KCNMA1: variants seen among roughly 807,000 people sequenced by gnomAD.
The protein encoded by KCNMA1 is potassium calcium-activated channel subfamily M alpha 1, also known as Calcium-activated potassium channel subunit alpha-1.
Under a neutral mutation model 140.0 loss-of-function variants are expected in KCNMA1, and 29 were observed. The ratio of observed to expected loss-of-function variants is 0.21; its 90% CI spans 0.15 to 0.28. The LOEUF (loss-of-function observed/expected upper bound fraction) is 0.28, where lower values mean the gene tolerates loss of function less well. Among genes scored for constraint, KCNMA1 ranks in the 10% least tolerant of loss-of-function variants. The pLI, the probability that KCNMA1 is intolerant of heterozygous loss-of-function variation, is 1.00. For synonymous variants in KCNMA1, 612 were observed against 611.9 expected, an observed-to-expected ratio of 1.00 and a Z score of 0.00; for missense variants, 880 against 1,602.2, an observed-to-expected ratio of 0.55 and a Z score of 7.70.
At chr10:77,327,570 G>T (rs1289018684) in intron 2 of KCNMA1, among the ~76,000 whole-genome samples, 1 of 152,052 alleles carries the variant, frequency 6.6e-6, no homozygotes, top group Non-Finnish European at 1.5e-5. Flanking sequence ...AGCCAGGCTG[G>T]TCTCGAACTC....
intron 25 of KCNMA1, among the ~76,000 whole-genome samples, chr10:76,895,762 A>G (rs2042222179): frequency 6.6e-6 from 1 of 152,104 alleles, no homozygotes; most frequent in Non-Finnish European, 1.5e-5. Flanking sequence ...GGGAAAGAGT[A>G]CAAAAGGGAG....
chr10:77,636,778 T>C, intron 1 of KCNMA1: 1 of 1,457,220 alleles, frequency 6.9e-7, no homozygotes, highest in Non-Finnish European at 9.0e-7. Flanking sequence ...TTTTCCCTTC[T>C]TTCTGACCCC....
At chr10:76,977,168 G>A (rs1174813083) in intron 19 of KCNMA1, among the ~76,000 whole-genome samples, 2 of 152,102 alleles carry the variant, frequency 1.3e-5, no homozygotes, top group South Asian at 2.1e-4. Context: ...CTTGCAGTCC[G>A]CGTTTGTGAG....
intron 3 of KCNMA1, among the ~76,000 whole-genome samples, chr10:77,186,776 AAT>A (rs1491310796): frequency 2.0e-3 from 181 of 90,062 alleles, no homozygotes; most frequent in African/African-American, 8.0e-3. Context: ...CTAAAGAGTA[AAT>A]GTGTGTGTGT....
rs997347505 is a variant in KCNMA1, at chr10:76,890,729, T to C, written c.3342+796A>G. On this transcript the variant is annotated intron_variant, in intron 26 of 27. Transcript: ENST00000286628. ...GCATCTCTTAAATGCATCTGTGGGG[T>C]TGGGCTGGGAATAAGGGCAAAGACA... Among the ~76,000 whole-genome samples, 10 of 151,998 alleles carry C rather than the reference T, an allele frequency of 6.6e-5. 1 individual carries two copies. The highest frequency in any genetic ancestry group is 2.0e-4 in the Admixed American group (3 of 15,246).
intron 1 of KCNMA1, among the ~76,000 whole-genome samples, chr10:77,458,579 A>AT (rs2097797128): frequency 6.6e-6 from 1 of 152,246 alleles, no homozygotes; most frequent in Admixed American, 6.5e-5. Flanking sequence ...ACATTCAACC[A>AT]TTTTTTAACC....
At chr10:77,439,900 C>T (rs1445237321) in intron 1 of KCNMA1, among the ~76,000 whole-genome samples, 5 of 152,216 alleles carry the variant, frequency 3.3e-5, no homozygotes, top group Non-Finnish European at 5.9e-5. Context: ...TGGTGGCAAT[C>T]TTCAAGTCCA....
chr10:77,492,422 T>A (rs2040277669), intron 1 of KCNMA1, among the ~76,000 whole-genome samples: 5 of 152,224 alleles, frequency 3.3e-5, no homozygotes, highest in Admixed American at 3.3e-4. Flanking sequence ...ACCTGTGTAC[T>A]TGTATTTCTT....
At chr10:77,564,100 A>C (rs2067317392) in intron 1 of KCNMA1, among the ~76,000 whole-genome samples, 1 of 152,246 alleles carries the variant, frequency 6.6e-6, no homozygotes, top group African/African-American at 2.4e-5. Flanking sequence ...AGATATTGGC[A>C]ATAAAAGAAA....
chr10:77,134,529 T>C (rs1429473181), intron 5 of KCNMA1, among the ~76,000 whole-genome samples: 1 of 152,092 alleles, frequency 6.6e-6, no homozygotes, highest in Non-Finnish European at 1.5e-5. Context: ...AATTAATGAC[T>C]TAAGATCCAA....
intron 15 of KCNMA1, among the ~76,000 whole-genome samples, chr10:77,030,304 C>A (rs966700179): frequency 1.3e-5 from 2 of 152,178 alleles, no homozygotes; most frequent in Non-Finnish European, 2.9e-5. Flanking sequence ...TAATTTATGT[C>A]CCAAAGAGCA....
intron 16 of KCNMA1, 31 bp downstream of exon 16, chr10:77,027,792 T>C: frequency 6.3e-7 from 1 of 1,594,334 alleles, no homozygotes; most frequent in Non-Finnish European, 8.6e-7. Flanking sequence ...ATCAAAAGTG[T>C]CAGCTGGCTG....
At chr10:77,637,097 C>G in intron 1 of KCNMA1, 168 bp downstream of exon 1, 1 of 1,314,208 alleles carries the variant, frequency 7.6e-7, no homozygotes, top group Non-Finnish European at 1.0e-6. Context: ...CCGCCCGCTG[C>G]CCCGATCCGA....
chr10:77,018,559 G>C (rs1191318827), intron 17 of KCNMA1, among the ~76,000 whole-genome samples: 3 of 152,162 alleles, frequency 2.0e-5, no homozygotes, highest in Admixed American at 6.5e-5. Context: ...AATAGAAATA[G>C]AGCCAGTTTC....
intron 2 of KCNMA1, among the ~76,000 whole-genome samples, chr10:77,391,332 G>C (rs1159282027): frequency 6.6e-6 from 1 of 152,190 alleles, no homozygotes; most frequent in Non-Finnish European, 1.5e-5. Context: ...CGCTCACAGA[G>C]GACCCTGGCT....
chr10:77,469,439 G>A (rs1003837979), intron 1 of KCNMA1, among the ~76,000 whole-genome samples: 5 of 152,182 alleles, frequency 3.3e-5, no homozygotes, highest in Non-Finnish European at 7.3e-5. Context: ...GTCTCCTCAA[G>A]AAATTTGTCT....
rs1565058483 is a variant in KCNMA1, at chr10:76,941,022, A to AAGGAAGGAAGG, written c.2902+3750_2902+3751insCCTTCCTTCCT. ...GAAAGGAAGGAAGGAAGGAAGGAAG[A>AAGGAAGGAAGG]AAGAAAGAAAGAAAGAAAGAAAGAA... On this transcript the variant is annotated intron_variant, in intron 23 of 27. Transcript: ENST00000286628. Among the ~76,000 whole-genome samples the AAGGAAGGAAGG allele has an allele frequency of 8.5e-3, 383 of 45,242 alleles. 1 individual carries two copies. Among genetic ancestry groups the AAGGAAGGAAGG allele is most frequent in the East Asian group, 0.028 (25 of 902 alleles). 29.7% of individuals were successfully genotyped at this position (45,242 alleles called of 152,430 possible).
intron 18 of KCNMA1, among the ~76,000 whole-genome samples, chr10:77,010,545 C>T (rs568865437): frequency 6.6e-6 from 1 of 152,070 alleles, no homozygotes; most frequent in African/African-American, 2.4e-5. Flanking sequence ...AGGGGACCAG[C>T]TGTATTAAGT....
At chr10:77,239,704 T>C (rs1192568941) in intron 3 of KCNMA1, among the ~76,000 whole-genome samples, 1 of 152,188 alleles carries the variant, frequency 6.6e-6, no homozygotes, top group African/African-American at 2.4e-5. Context: ...TACCTATCAC[T>C]AACTGCCAAA....
Sources: gnomAD v4.1 joint callset for allele counts (sites outside exome capture counted in the v4.1 genomes callset) on GRCh38, gnomAD v4.1.1 for gene constraint, MANE v1.5 for transcripts, NCBI Gene and HGNC (gene_info 2026-07-23, HGNC 2026-07-21) for gene names.